RYR2: variants seen among roughly 807,000 people sequenced by gnomAD.
RYR2 encodes the protein cardiac muscle ryanodine receptor-calcium release channel.
Under a neutral mutation model 601.1 loss-of-function variants are expected in RYR2, and 227 were observed. The observed-to-expected ratio is 0.38, with a 90% CI of 0.34 to 0.42. The LOEUF (loss-of-function observed/expected upper bound fraction) is 0.42. RYR2 is among the 10% of genes least tolerant of loss of function. The probability of loss-of-function intolerance (pLI) is 1.00; values close to 1 mark genes in which losing one functional copy is unlikely to be tolerated. For synonymous variants in RYR2, 2,223 were observed against 2,175.1 expected (o/e 1.02, Z -0.61); for missense variants, 4,646 against 6,156.5 (o/e 0.75, Z 8.21).
intron 28 of RYR2, among the ~76,000 whole-genome samples, chr1:237,567,647 G>T (rs1405633465): frequency 1.3e-5 from 2 of 151,070 alleles, no homozygotes; most frequent in African/African-American, 4.9e-5. Context: ...GCCACAATAG[G>T]ATAATAATAG....
intron 1 of RYR2, among the ~76,000 whole-genome samples, chr1:237,213,365 A>G (rs1682800990): frequency 6.6e-6 from 1 of 151,944 alleles, no homozygotes; most frequent in Non-Finnish European, 1.5e-5. Flanking sequence ...TTTTGTATAA[A>G]TGCGATCTCC....
chr1:237,327,484 G>C (rs530609320), intron 2 of RYR2, among the ~76,000 whole-genome samples: 5 of 152,218 alleles, frequency 3.3e-5, no homozygotes, highest in African/African-American at 1.2e-4. Flanking sequence ...CTAAGCAAAG[G>C]CATGAAACAA....
Position 237,610,712 on chromosome 1 carries a change from C to T in RYR2, c.4684-50C>T. ...AGAATTCTAGTCATTACTTTGTGAA[C>T]CCCAAGGGATGTTCTACATTTATTC... On this transcript the variant is annotated intron_variant, in intron 35 of 104. Coordinates refer to ENST00000366574, the MANE Select transcript of RYR2 (RefSeq NM_001035.3). The surrounding 1 kb of genome is among the most constrained non-coding windows in gnomAD (Gnocchi z 4.9). 2 of 1,448,500 alleles carry T rather than the reference C, an allele frequency of 1.4e-6. No individual in the cohort carries two copies. Among genetic ancestry groups the T allele is most frequent in the Non-Finnish European group, 1.9e-6 (2 of 1,061,724 alleles). 89.7% of individuals were successfully genotyped at this position (1,448,500 alleles called of 1,614,324 possible). A position where few individuals can be genotyped will look rare whatever the true frequency, so the allele number is the denominator to read the frequency against.
intron 22 of RYR2, among the ~76,000 whole-genome samples, chr1:237,504,862 G>A (rs1057393068): frequency 6.6e-6 from 1 of 152,076 alleles, no homozygotes; most frequent in African/African-American, 2.4e-5. Context: ...ATGGCTTTGG[G>A]ATGAAACTGT....
intron 1 of RYR2, among the ~76,000 whole-genome samples, chr1:237,142,218 G>T (rs1179259195): frequency 2.6e-5 from 4 of 152,214 alleles, no homozygotes; most frequent in South Asian, 2.1e-4. Flanking sequence ...CCTGAGAGGG[G>T]CCTGAGCCCC....
chr1:237,654,470 A>G (rs796992194), intron 52 of RYR2, 56 bp downstream of exon 52: 2 of 1,545,136 alleles, frequency 1.3e-6, no homozygotes, highest in South Asian at 2.3e-5. Context: ...AGAGCCACAC[A>G]TTCTTAGTAA....
At chr1:237,161,390 G>C (rs1293146678) in intron 1 of RYR2, among the ~76,000 whole-genome samples, 3 of 151,914 alleles carry the variant, frequency 2.0e-5, no homozygotes, top group Non-Finnish European at 4.4e-5. Context: ...ACAGAGAGTT[G>C]ATAATGAATT....
chr1:237,326,087 GCAGA>G (rs1696143641), intron 2 of RYR2, among the ~76,000 whole-genome samples: 4 of 152,110 alleles, frequency 2.6e-5, no homozygotes, highest in Non-Finnish European at 5.9e-5. Context: ...AGTGAGTTAG[GCAGA>G]TACAACTCTG....
intron 1 of RYR2, among the ~76,000 whole-genome samples, chr1:237,166,239 C>T (rs978696188): frequency 6.6e-6 from 1 of 152,176 alleles, no homozygotes; most frequent in Non-Finnish European, 1.5e-5. Flanking sequence ...GGTACCTTGC[C>T]AACTTCCATC....
At chr1:237,776,937 T>C (rs1487534112) in intron 87 of RYR2, among the ~76,000 whole-genome samples, 2 of 152,236 alleles carry the variant, frequency 1.3e-5, no homozygotes, top group South Asian at 2.1e-4. Flanking sequence ...CTTGGAATTA[T>C]GTTACCATTT....
At chr1:237,293,608 G>C (rs974583163) in intron 2 of RYR2, among the ~76,000 whole-genome samples, 4 of 152,062 alleles carry the variant, frequency 2.6e-5, no homozygotes, top group Admixed American at 2.6e-4. Flanking sequence ...CCTCATGATA[G>C]AGCAGCTCAC....
intron 63 of RYR2, among the ~76,000 whole-genome samples, 192 bp downstream of exon 63, chr1:237,687,696 A>G (rs528517589): frequency 6.6e-6 from 1 of 152,242 alleles, no homozygotes; most frequent in African/African-American, 2.4e-5. Context: ...TGAGGACTCT[A>G]TCTTTTTTAC....
At chr1:237,147,248 T>G (rs1423235607) in intron 1 of RYR2, among the ~76,000 whole-genome samples, 2 of 152,202 alleles carry the variant, frequency 1.3e-5, no homozygotes, top group African/African-American at 2.4e-5. Flanking sequence ...TAGAGCATTT[T>G]TAGTTTGGGT....
rs116644024 is a variant in RYR2 at position 237,566,018 on chromosome 1, A to T, written c.3215-549A>T. ...GTATGCGAGAATGGAAAAATTTTGC[A>T]TCACATTTGAGTTCCTTAGCCATCA... On this transcript the variant is annotated intron_variant, in intron 27 of 104. Coordinates refer to ENST00000366574, the MANE Select transcript of RYR2 (RefSeq NM_001035.3). Among the ~76,000 whole-genome samples, 1,227 of 152,312 alleles carry T rather than the reference A, an allele frequency of 8.1e-3. 15 individuals are homozygous for T. The highest frequency in any genetic ancestry group is 0.028 in the African/African-American group (1,169 of 41,570).
chr1:237,500,992 T>G, intron 21 of RYR2, 89 bp downstream of exon 21: 1 of 1,260,564 alleles, frequency 7.9e-7, no homozygotes, highest in East Asian at 2.3e-5. Flanking sequence ...CCTTCTTCTC[T>G]AACCATTGTT....
chr1:237,533,114 G>A (rs961728189), intron 25 of RYR2, among the ~76,000 whole-genome samples: 10 of 152,120 alleles, frequency 6.6e-5, no homozygotes, highest in African/African-American at 1.7e-4. Flanking sequence ...CTCTCACAAC[G>A]CAACACAGCA....
Position 237,423,192 on chromosome 1 carries a change from A to G in RYR2, c.949A>G (p.Met317Val), listed in dbSNP as rs754558924. 1.2e-6 allele frequency: 2 copies of G among 1,613,888 alleles called. No homozygotes were observed. Among genetic ancestry groups the G allele is most frequent in the Non-Finnish European group, 1.7e-6 (2 of 1,179,830 alleles). The part of the protein sequence containing the change: ...SLMEDKNLLL[M>V]DKEKADVKST... ...CATGGAAGACAAAAACCTTCTACTC[A>G]TGGACAAAGAGAAAGCTGATGTAAA... Residue 317 changes from methionine to valine, a missense_variant, in exon 12 of 105, where the codon ATG becomes GTG. Transcript: ENST00000366574.
intron 24 of RYR2, among the ~76,000 whole-genome samples, chr1:237,522,155 G>A (rs1035103954): frequency 6.6e-5 from 10 of 151,996 alleles, no homozygotes; most frequent in African/African-American, 1.9e-4. Context: ...AGGGTGTGAT[G>A]TGGAATGCTG....
At chr1:237,250,699 A>G (rs1460629962) in intron 1 of RYR2, among the ~76,000 whole-genome samples, 1 of 152,114 alleles carries the variant, frequency 6.6e-6, no homozygotes, top group Non-Finnish European at 1.5e-5. Flanking sequence ...CTTTGCTCCT[A>G]TCTGAAGCCA....
Sources: allele counts gnomAD v4.1 joint callset (sites outside exome capture counted in the v4.1 genomes callset), GRCh38; gene constraint gnomAD v4.1.1; non-coding constraint Gnocchi (gnomAD v3.1); transcripts MANE v1.5; gene names NCBI Gene and HGNC (gene_info 2026-07-23, HGNC 2026-07-21).